The following DDX27 variants were observed in gnomAD, a reference collection of about 807,000 sequenced individuals.
The protein encoded by DDX27 is DEAD-box helicase 27.
In DDX27, 42 loss-of-function variants were observed where a neutral mutation model predicts 99.3. The observed-to-expected ratio is 0.42, with a 90% CI of 0.33 to 0.55. The LOEUF (loss-of-function observed/expected upper bound fraction) is 0.55, where lower values mean the gene tolerates loss of function less well. Ranked by LOEUF, DDX27 falls within the 20% of genes least tolerant of loss-of-function variation. The probability of loss-of-function intolerance (pLI) is 0.07; values close to 1 mark genes in which losing one functional copy is unlikely to be tolerated. For synonymous variants in DDX27, 329 were observed against 353.8 expected, an observed-to-expected ratio of 0.93 and a Z score of 0.79; for missense variants, 798 against 976.8, an observed-to-expected ratio of 0.82 and a Z score of 2.44.
Position 49,233,675 on chromosome 20 carries a change from TA to T in DDX27, c.1241del (p.Asn414IlefsTer14). 6.2e-7 allele frequency: 1 copy of T among 1,613,874 alleles called. No homozygotes were observed. Among genetic ancestry groups the T allele is most frequent in the Non-Finnish European group, 8.5e-7 (1 of 1,179,888 alleles). On this transcript the variant is annotated frameshift_variant, in exon 11 of 21. Transcript: ENST00000618172. LOFTEE classifies it high-confidence loss of function. ...GGCAGGAGTTCATCCGGATCCGGCCTAATCGTGAAGGAGACCGGGAAGCCAT... is the reference window on the plus strand; with the variant it reads ...GGCAGGAGTTCATCCGGATCCGGCCTATCGTGAAGGAGACCGGGAAGCCAT... ...LRQEFIRIRP[N>X]REGDREAIVA... is the part of the protein sequence containing the mutation.
intron 12 of DDX27, chr20:49,235,652 T>C: frequency 6.4e-6 from 1 of 155,960 alleles, no homozygotes; most frequent in Non-Finnish European, 1.4e-5. Context: ...TTGCCTATGC[T>C]GTTAGCAGAT....
chr20:49,220,115 C>G (rs1483853780), intron 1 of DDX27, among the ~76,000 whole-genome samples: 2 of 152,202 alleles, frequency 1.3e-5, no homozygotes, highest in East Asian at 3.8e-4. Context: ...CCTCTGCACT[C>G]TCATCTGTCC....
At chr20:49,227,142 G>T (rs1012340961) in intron 7 of DDX27, among the ~76,000 whole-genome samples, 3 of 151,880 alleles carry the variant, frequency 2.0e-5, no homozygotes, top group Non-Finnish European at 2.9e-5. Context: ...GATTACAGGC[G>T]TGAGCCACCG....
chr20:49,230,395 C>T (rs770645023), intron 9 of DDX27, 46 bp downstream of exon 9: 2 of 1,570,716 alleles, frequency 1.3e-6, no homozygotes, highest in East Asian at 4.5e-5. Context: ...GGTTCCAAGG[C>T]CCAGAACCTG....
rs1021865083 is a variant in DDX27 at position 49,224,550 on chromosome 20, A to G, written c.467-395A>G. Among the ~76,000 whole-genome samples, 19 of 152,028 alleles carry G rather than the reference A, an allele frequency of 1.2e-4. 1 individual carries two copies. Among genetic ancestry groups the G allele is most frequent in the Admixed American group, 1.2e-3 (19 of 15,236 alleles). On this transcript the variant is annotated intron_variant, in intron 4 of 20. Coordinates refer to ENST00000618172, the MANE Select transcript of DDX27 (RefSeq NM_017895.8). ...GCTAATTTTTGTATTTTTAGTAGAG[A>G]TGGGGTTTCACCATGTTGGACAGGC... is the stretch of plus-strand genomic sequence containing the variant.
Position 49,238,998 on chromosome 20 carries a change from G to A in DDX27, c.1737G>A (p.Val579=), listed in dbSNP as rs763542639. Reference sequence around the variant, plus strand: ...AGATTGAGAAAATGGAGAAAGATGTGTATGCAGTTCTGCAGCTAGAGGCGG... The same window carrying A: ...AGATTGAGAAAATGGAGAAAGATGTATATGCAGTTCTGCAGCTAGAGGCGG... ...RDKIEKMEKD[V]YAVLQLEAEE... Residue 579 remains valine (V), a synonymous_variant, in exon 15 of 21, where the codon GTG becomes GTA. Transcript: ENST00000618172. The A allele has an allele frequency of 1.2e-5, 20 of 1,614,046 alleles. No homozygotes were observed. The highest frequency in any genetic ancestry group is 1.5e-5 in the Non-Finnish European group (18 of 1,180,028).
chr20:49,228,935 G>C, intron 8 of DDX27, 47 bp downstream of exon 8: 1 of 1,503,190 alleles, frequency 6.7e-7, no homozygotes, highest in South Asian at 1.3e-5. Context: ...ACTGTGGTGG[G>C]GTGGAGGATG....
Position 49,222,164 on chromosome 20 carries a change from T to C in DDX27, c.240+566T>C, listed in dbSNP as rs546480987. Among the ~76,000 whole-genome samples, 36 of 152,092 alleles carry C rather than the reference T, an allele frequency of 2.4e-4. No individual in the cohort carries two copies. In the South Asian group the frequency reaches 6.5e-3, roughly 27 times the overall value. On this transcript the variant is annotated intron_variant, in intron 2 of 20. Transcript: ENST00000618172. ...CTTTTTTTTTTTGAGACAGAGTCTCTCTCCATTGCTTAGGCTGGAGTGTAA... is the reference window on the plus strand; with the variant it reads ...CTTTTTTTTTTTGAGACAGAGTCTCCCTCCATTGCTTAGGCTGGAGTGTAA...
intron 14 of DDX27, chr20:49,238,433 G>A (rs1374829058): frequency 1.3e-5 from 2 of 158,372 alleles, no homozygotes; most frequent in Non-Finnish European, 2.7e-5. Context: ...TCCTGAGTAG[G>A]TGGGACTACA....
intron 2 of DDX27, among the ~76,000 whole-genome samples, chr20:49,222,127 G>A (rs1318539456): frequency 6.6e-6 from 1 of 151,912 alleles, no homozygotes; most frequent in Non-Finnish European, 1.5e-5. Flanking sequence ...AAGTAAACCA[G>A]CATTGCCTTT....
intron 9 of DDX27, among the ~76,000 whole-genome samples, chr20:49,232,467 TA>T (rs1379710748): frequency 6.6e-6 from 1 of 151,802 alleles, no homozygotes; most frequent in Non-Finnish European, 1.5e-5. Context: ...CCATCTCTAC[TA>T]AAAATACAAA....
rs1600971998 is a variant in DDX27, at chr20:49,233,350, G to A, written c.1076G>A (p.Arg359Gln). ...YFEEQMKEII[R>Q]MCSHHRQTML... ...GAGGAGCAGATGAAGGAGATCATCC[G>A]AATGTGTTCCCACCACCGCCAGACC... The change falls in exon 10 of 21, where the codon CGA (arginine) becomes CAA (glutamine). Residue 359 changes from arginine to glutamine, a missense_variant. Around this residue, in one of 2 missense-constraint regions of DDX27, gnomAD observed 553 missense variants for 727.9 expected, o/e 0.76. Transcript: ENST00000618172. The A allele has an allele frequency of 3.1e-6, 5 of 1,614,010 alleles. No individual in the cohort carries two copies. The East Asian group carries it at 8.9e-5, about 29-fold the overall frequency.
chr20:49,225,355 T>C (rs1356598722), intron 6 of DDX27, among the ~76,000 whole-genome samples, 156 bp downstream of exon 6: 2 of 152,054 alleles, frequency 1.3e-5, no homozygotes, highest in Non-Finnish European at 2.9e-5. Context: ...GTGGCTTATT[T>C]TGGCAACCAT....
At chr20:49,230,825 A>G (rs912630255) in intron 9 of DDX27, among the ~76,000 whole-genome samples, 1 of 151,772 alleles carries the variant, frequency 6.6e-6, no homozygotes, top group Non-Finnish European at 1.5e-5. Flanking sequence ...TTGCTCTGGG[A>G]CTGAACAGAA....
At chr20:49,238,811 C>T in intron 14 of DDX27, 138 bp from the exon 15 acceptor site, 8 of 491,222 alleles carry the variant, frequency 1.6e-5, no homozygotes, top group South Asian at 1.1e-4. Context: ...AGTCTGGCCA[C>T]GTTGCCCAGG....
rs1309365991 is a variant in DDX27 at position 49,230,217 on chromosome 20, C to G, written c.899C>G (p.Ser300Cys). The change falls in exon 9 of 21, where the codon TCT becomes TGT. Residue 300 changes from serine to cysteine, a missense_variant. Around this residue, in one of 2 missense-constraint regions of DDX27, gnomAD observed 553 missense variants for 727.9 expected, o/e 0.76. Coordinates refer to ENST00000618172, the MANE Select transcript of DDX27 (RefSeq NM_017895.8). Reference protein sequence around the residue: ...CLAVGGLDVKSQEAALRAAPD... With the variant: ...CLAVGGLDVKCQEAALRAAPD... ...TTTGCAGGCGGCTTGGATGTGAAGT[C>G]TCAGGAAGCAGCTCTTCGGGCAGCG... 9 of 1,612,706 alleles carry G rather than the reference C, an allele frequency of 5.6e-6. No homozygotes were observed. The highest frequency in any genetic ancestry group is 1.1e-5 in the South Asian group (1 of 91,060).
At chr20:49,241,834 C>T (rs544830505) in intron 16 of DDX27, 59 bp from the exon 17 acceptor site, 92 of 1,567,712 alleles carry the variant, frequency 5.9e-5, no homozygotes, top group South Asian at 3.5e-4. Flanking sequence ...CACTTCTTAT[C>T]GTAAGCTTAA....
In DDX27 at chr20:49,238,732, C is replaced by T. The variant is rs544761449; in HGVS notation, c.1688-217C>T. 388 of 521,698 alleles carry T rather than the reference C, an allele frequency of 7.4e-4. 4 individuals are homozygous for T. Among genetic ancestry groups the T allele is most frequent in the Admixed American group, 7.3e-3 (201 of 27,372 alleles). 32.3% of individuals were successfully genotyped at this position (521,698 alleles called of 1,614,324 possible). On this transcript the variant is annotated intron_variant, in intron 14 of 20. Coordinates refer to ENST00000618172, the MANE Select transcript of DDX27 (RefSeq NM_017895.8). ...ATCCACCTGCCTTGGCCTCCCAAAG[C>T]GTGGGATTACAGGCATGAGCCACTG...
chr20:49,227,094 C>T (rs1200715830), intron 7 of DDX27, among the ~76,000 whole-genome samples: 3 of 149,962 alleles, frequency 2.0e-5, no homozygotes, highest in Non-Finnish European at 3.0e-5. Context: ...GATCTCCTGA[C>T]CTCGTGATCC....
Sources: gnomAD v4.1 joint callset for allele counts (sites outside exome capture counted in the v4.1 genomes callset) on GRCh38, gnomAD v4.1.1 for gene constraint, gnomAD v4.1.1 regional missense constraint, MANE v1.5 for transcripts, NCBI Gene and HGNC (gene_info 2026-07-23, HGNC 2026-07-21) for gene names.